The following ARHGAP26 variants were observed in gnomAD, a reference collection of about 807,000 sequenced individuals.
ARHGAP26 encodes rho GTPase-activating protein 26.
A neutral mutation model predicts 104.8 loss-of-function variants in ARHGAP26; 38 were observed. The ratio of observed to expected loss-of-function variants is 0.36; its 90% confidence interval spans 0.28 to 0.48. The LOEUF is 0.48. ARHGAP26 is among the 20% of genes least tolerant of loss of function. ARHGAP26 has a pLI of 0.99. For synonymous variants in ARHGAP26, 341 were observed against 340.0 expected (o/e 1.00, Z -0.03); for missense variants, 704 against 947.9 (o/e 0.74, Z 3.38).
intron 14 of ARHGAP26, among the ~76,000 whole-genome samples, chr5:143,053,066 C>T (rs1785266819): frequency 6.6e-6 from 1 of 152,166 alleles, no homozygotes; most frequent in Non-Finnish European, 1.5e-5. Context: ...TCAGGATCCA[C>T]CATTTCTGCT....
intron 1 of ARHGAP26, among the ~76,000 whole-genome samples, chr5:142,840,811 G>A (rs1770634488): frequency 6.6e-6 from 1 of 152,172 alleles, no homozygotes; most frequent in South Asian, 2.1e-4. Flanking sequence ...GCTAGATTAA[G>A]CAACCCTTCC....
chr5:143,117,876 A>G lies in ARHGAP26; in HGVS notation c.1539-3112A>G, dbSNP rs76301525. 7.5e-3 allele frequency among the ~76,000 whole-genome samples: 1,140 copies of G among 152,328 alleles called. 13 individuals carry two copies. Among genetic ancestry groups the G allele is most frequent in the African/African-American group, 0.026 (1,068 of 41,574 alleles). On this transcript the variant is annotated intron_variant, in intron 17 of 22. Transcript: ENST00000645722. ...GGTTGGGAATAATTGTTTTAGGCCT[A>G]CTCAGAAACTCTCCTCATCTTTTAT...
In ARHGAP26 at chr5:142,861,757, G is replaced by A. The variant is rs1437349693; in HGVS notation, c.155-11643G>A. ...GTGCATCATCTCTCTTCTCACAGGA[G>A]CCTCAGGAGGCAGGTTTCCCTTTAG... is the stretch of plus-strand genomic sequence containing the variant. On this transcript the variant is annotated intron_variant, in intron 1 of 22. Coordinates refer to ENST00000645722, the MANE Select transcript of ARHGAP26 (RefSeq NM_001135608.3). Among the ~76,000 whole-genome samples, 8 of 152,198 alleles carry A rather than the reference G, an allele frequency of 5.3e-5. No homozygotes were observed. The South Asian group carries it at 1.7e-3, about 31-fold the overall frequency.
At chr5:142,989,542 C>T (rs1004658848) in intron 11 of ARHGAP26, among the ~76,000 whole-genome samples, 17 of 152,120 alleles carry the variant, frequency 1.1e-4, no homozygotes, top group African/African-American at 2.9e-4. Context: ...TTATTTTGCT[C>T]GTTAGTTGAT....
At chr5:143,153,615 G>A (rs1182987297) in intron 20 of ARHGAP26, among the ~76,000 whole-genome samples, 1 of 152,164 alleles carries the variant, frequency 6.6e-6, no homozygotes, top group East Asian at 1.9e-4. Context: ...GCCTTCTTTA[G>A]ACCACAAAGA....
intron 11 of ARHGAP26, among the ~76,000 whole-genome samples, chr5:143,011,698 G>A (rs948095034): frequency 7.2e-5 from 11 of 152,040 alleles, no homozygotes; most frequent in Non-Finnish European, 1.2e-4. Context: ...GGCTCAATTT[G>A]GAAACCATGA....
intron 17 of ARHGAP26, among the ~76,000 whole-genome samples, chr5:143,105,110 T>G (rs1793801400): frequency 6.6e-6 from 1 of 152,184 alleles, no homozygotes; most frequent in African/African-American, 2.4e-5. Flanking sequence ...GTGTGGTGGC[T>G]CATGCCTATA....
intron 19 of ARHGAP26, among the ~76,000 whole-genome samples, chr5:143,135,407 T>G (rs911267146): frequency 3.3e-5 from 5 of 152,194 alleles, no homozygotes; most frequent in African/African-American, 1.2e-4. Flanking sequence ...TATAACTCGT[T>G]TCTGTGAGGT....
intron 1 of ARHGAP26, among the ~76,000 whole-genome samples, chr5:142,816,058 A>G (rs1765073521): frequency 6.6e-6 from 1 of 151,784 alleles, no homozygotes; most frequent in African/African-American, 2.4e-5. Flanking sequence ...TGGGCCTTCC[A>G]GTGTATTGGG....
At position 143,161,061 on chromosome 5, in the gene ARHGAP26, G is replaced by C. The variant is rs1801176522; in HGVS notation, c.1988+13680G>C. On this transcript the variant is annotated intron_variant, in intron 20 of 22. Coordinates refer to ENST00000645722, the MANE Select transcript of ARHGAP26 (RefSeq NM_001135608.3). ...GTCTCTTACCTTGTTGCTCAGGCTG[G>C]AGTGCAGTGGAGCGATCTCAATTCA... Among the ~76,000 whole-genome samples, 3 of 147,374 alleles carry C rather than the reference G, an allele frequency of 2.0e-5. No homozygotes were observed. The South Asian group carries it at 6.5e-4, about 32-fold the overall frequency.
intron 14 of ARHGAP26, among the ~76,000 whole-genome samples, chr5:143,048,293 C>G (rs577307873): frequency 2.3e-4 from 35 of 152,230 alleles, no homozygotes; most frequent in African/African-American, 8.2e-4. Flanking sequence ...TGGGGTCTCA[C>G]TCTTTCACCC....
chr5:143,132,899 A>G (rs1034923765), intron 18 of ARHGAP26, among the ~76,000 whole-genome samples: 2 of 151,788 alleles, frequency 1.3e-5, no homozygotes, highest in African/African-American at 4.8e-5. Flanking sequence ...CTGAAATTGT[A>G]TCTACAATTG....
chr5:142,950,001 A>T (rs1246014773), intron 11 of ARHGAP26, among the ~76,000 whole-genome samples: 1 of 152,252 alleles, frequency 6.6e-6, no homozygotes, highest in Non-Finnish European at 1.5e-5. Flanking sequence ...AAGTAATGGC[A>T]CATTATCTCT....
Position 142,902,047 on chromosome 5 carries a change from G to C in ARHGAP26, c.702+8G>C. 1 of 1,610,390 alleles carries C rather than the reference G, an allele frequency of 6.2e-7. No homozygotes were observed. The highest frequency in any genetic ancestry group is 8.5e-7 in the Non-Finnish European group (1 of 1,177,122). Reference sequence around the variant, plus strand: ...ACCATTAGCATACAGAACGTGAGTGGGCATAGGGACAGGCTTCTTTTATCT... The same window carrying C: ...ACCATTAGCATACAGAACGTGAGTGCGCATAGGGACAGGCTTCTTTTATCT... On this transcript the variant is annotated splice_region_variant and intron_variant, in intron 7 of 22. Transcript: ENST00000645722.
intron 13 of ARHGAP26, among the ~76,000 whole-genome samples, chr5:143,037,857 A>G (rs1303972884): frequency 1.3e-5 from 2 of 151,870 alleles, no homozygotes; most frequent in African/African-American, 4.8e-5. Context: ...GGGTCTGTGA[A>G]CCCAAGATGC....
chr5:142,954,094 G>A (rs563076802), intron 11 of ARHGAP26, among the ~76,000 whole-genome samples: 59 of 152,304 alleles, frequency 3.9e-4, no homozygotes, highest in African/African-American at 1.4e-3. Context: ...AATATTATGC[G>A]TTCTAACCCC....
chr5:143,074,512 A>T (rs1177161590), intron 17 of ARHGAP26, among the ~76,000 whole-genome samples: 1 of 152,228 alleles, frequency 6.6e-6, no homozygotes, highest in African/African-American at 2.4e-5. Context: ...TTGAGAAAAA[A>T]ATGCAAAGAA....
chr5:142,822,226 G>A (rs1255281881), intron 1 of ARHGAP26, among the ~76,000 whole-genome samples: 2 of 142,274 alleles, frequency 1.4e-5, no homozygotes, highest in Non-Finnish European at 3.0e-5. Flanking sequence ...CAACAGTAGG[G>A]CAGTTTAGTC....
chr5:143,076,739 A>G (rs1789090078), intron 17 of ARHGAP26, among the ~76,000 whole-genome samples: 1 of 152,212 alleles, frequency 6.6e-6, no homozygotes, highest in Non-Finnish European at 1.5e-5. Flanking sequence ...TGTAATTTTC[A>G]TAAATGCTAT....
Sources: gnomAD v4.1 joint callset for allele counts (sites outside exome capture counted in the v4.1 genomes callset) on GRCh38, gnomAD v4.1.1 for gene constraint, MANE v1.5 for transcripts, NCBI Gene and HGNC (gene_info 2026-07-23, HGNC 2026-07-21) for gene names.